MCTP2: variants seen among roughly 807,000 people sequenced by gnomAD.
MCTP2 encodes the protein multiple C2 and transmembrane domain containing 2, also known as multiple C2 and transmembrane domain-containing protein 2.
In MCTP2, 132 loss-of-function variants were observed where a neutral mutation model predicts 111.6. That is an observed-to-expected ratio of 1.18 (90% CI 1.03 to 1.37). The LOEUF is 1.37. Ranked by LOEUF, MCTP2 falls within the 40% of genes most tolerant of loss-of-function variation. MCTP2 has a pLI of 0.00. For missense variants in MCTP2, 1,183 were observed against 1,067.9 expected (o/e 1.11, Z -1.50); for synonymous variants, 395 against 387.7 (o/e 1.02, Z -0.22).
At chr15:94,260,114 C>T (rs1202233995) in intron 1 of MCTP2, among the ~76,000 whole-genome samples, 1 of 152,184 alleles carries the variant, frequency 6.6e-6, no homozygotes, top group Non-Finnish European at 1.5e-5. Context: ...CTCATGTTGT[C>T]TTCTCACTTC....
intron 1 of MCTP2, among the ~76,000 whole-genome samples, chr15:94,244,024 CGTATGT>C (rs2071435734): frequency 6.9e-6 from 1 of 144,674 alleles, no homozygotes; most frequent in Non-Finnish European, 1.5e-5. Context: ...TATACACATA[CGTATGT>C]GTATATATTG....
At chr15:94,252,672 C>T (rs1005040137) in intron 1 of MCTP2, among the ~76,000 whole-genome samples, 1 of 151,548 alleles carries the variant, frequency 6.6e-6, no homozygotes, top group Admixed American at 6.6e-5. Context: ...CAAGGTATCA[C>T]AGCTTAAACT....
intron 10 of MCTP2, among the ~76,000 whole-genome samples, chr15:94,359,200 G>C (rs1323110990): frequency 3.3e-5 from 5 of 152,188 alleles, no homozygotes; most frequent in African/African-American, 1.2e-4. Flanking sequence ...CCCGCGTACA[G>C]TAAGCAAAAA....
intron 17 of MCTP2, among the ~76,000 whole-genome samples, chr15:94,419,620 G>A (rs552586597): frequency 1.4e-4 from 21 of 152,158 alleles, no homozygotes; most frequent in African/African-American, 3.4e-4. Flanking sequence ...GATTTCTTCC[G>A]AAAGTGTAGA....
chr15:94,268,718 A>G (rs991385455), intron 1 of MCTP2, among the ~76,000 whole-genome samples: 1 of 151,300 alleles, frequency 6.6e-6, no homozygotes, highest in African/African-American at 2.4e-5. Context: ...CTTCTTATGG[A>G]CAGGTTTTGT....
intron 21 of MCTP2, among the ~76,000 whole-genome samples, chr15:94,471,223 T>C (rs2073899153): frequency 6.6e-6 from 1 of 152,238 alleles, no homozygotes; most frequent in African/African-American, 2.4e-5. Flanking sequence ...GTAAAGGGTC[T>C]GCCAATCCTG....
chr15:94,392,861 GA>G (rs565943084), intron 14 of MCTP2, among the ~76,000 whole-genome samples: 2 of 151,702 alleles, frequency 1.3e-5, no homozygotes, highest in Non-Finnish European at 2.9e-5. Context: ...AAAACTTGGA[GA>G]AAAAATAGAG....
intron 14 of MCTP2, among the ~76,000 whole-genome samples, chr15:94,390,749 G>GTTA (rs2080916508): frequency 1.5e-5 from 2 of 129,592 alleles, no homozygotes; most frequent in African/African-American, 5.8e-5. Context: ...TTTTTTTTTG[G>GTTA]GATGGAGTCT....
chr15:94,278,658 G>A (rs1031822605), intron 1 of MCTP2, among the ~76,000 whole-genome samples: 1 of 152,072 alleles, frequency 6.6e-6, no homozygotes, highest in Non-Finnish European at 1.5e-5. Context: ...ACTGGGGTTT[G>A]ATGTACTAAT....
At chr15:94,299,465 G>A (rs992416931) in intron 2 of MCTP2, among the ~76,000 whole-genome samples, 1 of 152,086 alleles carries the variant, frequency 6.6e-6, no homozygotes, top group African/African-American at 2.4e-5. Context: ...TTATACCTGT[G>A]TGTGCACTCG....
At chr15:94,360,465 G>T (rs546267146) in intron 10 of MCTP2, among the ~76,000 whole-genome samples, 1 of 152,312 alleles carries the variant, frequency 6.6e-6, no homozygotes, top group South Asian at 2.1e-4. Context: ...ATGGTAGTAG[G>T]ATTTGAAATT....
At chr15:94,462,424 ATGT>A (rs2085272168) in intron 20 of MCTP2, among the ~76,000 whole-genome samples, 4 of 152,316 alleles carry the variant, frequency 2.6e-5, no homozygotes, top group Admixed American at 6.5e-5. Context: ...ATCTATGAAA[ATGT>A]TGTTTTACAA....
chr15:94,401,915 G>A lies in MCTP2; in HGVS notation c.1981G>A (p.Val661Met), dbSNP rs767852269. The change falls in exon 17 of 23, where the codon GTG becomes ATG. Residue 661 changes from valine to methionine, a missense_variant. By Grantham distance (21) the Val-to-Met change is conservative. Coordinates refer to ENST00000357742, the MANE Select transcript of MCTP2 (RefSeq NM_001385001.1). ...TTAAAATCAGATCTTATCAAGAGAT[G>A]TGGACCGTGTGAAAAGAATCACTAT... is the stretch of plus-strand genomic sequence containing the variant. Reference protein sequence around the residue: ...KLSKKILSRDVDRVKRITMAI... With the variant: ...KLSKKILSRDMDRVKRITMAI... 1.1e-5 allele frequency: 18 copies of A among 1,611,916 alleles called. No individual in the cohort carries two copies. The highest frequency in any genetic ancestry group is 2.2e-5 in the South Asian group (2 of 90,716).
chr15:94,327,866 C>T (rs1293345840), intron 4 of MCTP2, among the ~76,000 whole-genome samples: 4 of 152,198 alleles, frequency 2.6e-5, no homozygotes, highest in African/African-American at 9.7e-5. Context: ...TTTTGGGACT[C>T]TGTGCAGTCT....
rs185584408 is a variant in MCTP2 at position 94,384,127 on chromosome 15, A to C, written c.1685+3A>C. Reference sequence around the variant, plus strand: ...GAATGGAACAAAGTTTTTACATTGTAAGTGCTTTAGCCTCTGGAATTATTT... The same window carrying C: ...GAATGGAACAAAGTTTTTACATTGTCAGTGCTTTAGCCTCTGGAATTATTT... On this transcript the variant is annotated splice_donor_region_variant and intron_variant, in intron 13 of 22. Coordinates refer to ENST00000357742, the MANE Select transcript of MCTP2 (RefSeq NM_001385001.1). The C allele has an allele frequency of 4.4e-6, 7 of 1,602,096 alleles. No individual in the cohort carries two copies. The Admixed American group carries it at 1.2e-4, about 27-fold the overall frequency.
intron 17 of MCTP2, among the ~76,000 whole-genome samples, chr15:94,409,510 C>T (rs12913685): frequency 0.026 from 3,937 of 152,172 alleles, 79 homozygotes; most frequent in Middle Eastern, 0.048. Context: ...CTGACTAATA[C>T]GGATTCCTTG....
chr15:94,464,686 G>A (rs2073117715), intron 20 of MCTP2, among the ~76,000 whole-genome samples: 1 of 151,806 alleles, frequency 6.6e-6, no homozygotes, highest in Non-Finnish European at 1.5e-5. Context: ...CTAGCTCCAT[G>A]CCAAACATTT....
chr15:94,370,546 C>G (rs1330396470), intron 12 of MCTP2, among the ~76,000 whole-genome samples: 1 of 152,180 alleles, frequency 6.6e-6, no homozygotes, highest in South Asian at 2.1e-4. Context: ...GCTCTCTGTG[C>G]TGAATGGTTC....
At chr15:94,289,799 C>T (rs946808329) in intron 1 of MCTP2, among the ~76,000 whole-genome samples, 3 of 152,130 alleles carry the variant, frequency 2.0e-5, no homozygotes, top group African/African-American at 7.2e-5. Context: ...ATCCTTATCC[C>T]AGGATCCTGT....
Sources: gnomAD v4.1 joint callset for allele counts (sites outside exome capture counted in the v4.1 genomes callset) on GRCh38, gnomAD v4.1.1 for gene constraint, MANE v1.5 for transcripts, NCBI Gene and HGNC (gene_info 2026-07-23, HGNC 2026-07-21) for gene names.